The following COL22A1 variants were observed in gnomAD, a reference collection of about 807,000 sequenced individuals.
COL22A1 encodes the protein collagen type XXII alpha 1 chain.
COL22A1 carries 221 observed loss-of-function variants against 248.9 expected under a neutral mutation model. That is an observed-to-expected ratio of 0.89 (90% CI 0.80 to 0.99). The LOEUF (loss-of-function observed/expected upper bound fraction) is 0.99, where lower values mean the gene tolerates loss of function less well. COL22A1 is among the 50% of genes least tolerant of loss of function. The pLI is 0.00. For missense variants in COL22A1, 2,240 were observed against 2,179.0 expected (o/e 1.03, Z -0.56); for synonymous variants, 891 against 793.4 (o/e 1.12, Z -2.07).
intron 3 of COL22A1, among the ~76,000 whole-genome samples, chr8:138,858,703 G>A (rs1046696153): frequency 2.0e-5 from 3 of 152,310 alleles, no homozygotes; most frequent in African/African-American, 2.4e-5. Context: ...GCTCGACCCC[G>A]GGTGAGAGGG....
At chr8:138,872,347 G>A (rs1425181596) in intron 3 of COL22A1, among the ~76,000 whole-genome samples, 1 of 152,168 alleles carries the variant, frequency 6.6e-6, no homozygotes, top group Non-Finnish European at 1.5e-5. Context: ...AGGAGAGGCT[G>A]CTTCTTTGCT....
rs1440942908 is a variant in COL22A1 at position 138,712,252 on chromosome 8, G to A, written c.2517+3430C>T. Among the ~76,000 whole-genome samples, 7 of 152,312 alleles carry A rather than the reference G, an allele frequency of 4.6e-5. No homozygotes were observed. The East Asian group carries it at 1.4e-3, about 29-fold the overall frequency. ...GGACCATACTCCAGGCCAGCATTAT[G>A]GGTCCAAGAATGGTGCTCTTTCTAC... On this transcript the variant is annotated intron_variant, in intron 30 of 64. Coordinates refer to ENST00000303045, the MANE Select transcript of COL22A1 (RefSeq NM_152888.3).
Position 138,833,197 on chromosome 8 carries a change from T to C in COL22A1, c.734-47A>G, listed in dbSNP as rs376589975. The C allele has an allele frequency of 3.6e-5, 49 of 1,367,118 alleles. No homozygotes were observed. The African/African-American group carries it at 5.9e-4, about 16-fold the overall frequency. 84.7% of individuals were successfully genotyped at this position (1,367,118 alleles called of 1,614,324 possible). ...GAGTGAGTTTGGAGAAGGAAGAGTA[T>C]AAGAGACAAAGGAAAATCACATCCG... On this transcript the variant is annotated intron_variant, in intron 4 of 64. Transcript: ENST00000303045.
rs796229603 is a variant in COL22A1, at chr8:138,785,355, T to C, written c.1597-4375A>G. Among the ~76,000 whole-genome samples the C allele has an allele frequency of 1.4e-4, 21 of 152,236 alleles. 1 individual carries two copies. Among genetic ancestry groups the C allele is most frequent in the African/African-American group, 5.1e-4 (21 of 41,502 alleles). On this transcript the variant is annotated intron_variant, in intron 12 of 64. Coordinates refer to ENST00000303045, the MANE Select transcript of COL22A1 (RefSeq NM_152888.3). ...CTCTTGCACTAACCTGGGCAAATGA[T>C]GATGTCCATTTCCAGGGACACCAGT...
intron 42 of COL22A1, among the ~76,000 whole-genome samples, chr8:138,662,673 G>A (rs544037512): frequency 6.6e-5 from 10 of 152,196 alleles, no homozygotes; most frequent in African/African-American, 2.4e-4. Flanking sequence ...CTGTGCTACC[G>A]GGCTGCTCAG....
intron 5 of COL22A1, among the ~76,000 whole-genome samples, chr8:138,832,653 T>C (rs949468168): frequency 3.3e-5 from 5 of 152,148 alleles, no homozygotes; most frequent in Non-Finnish European, 7.3e-5. Context: ...CCAAAGCCAC[T>C]CCGAGATTCT....
At chr8:138,671,941 T>C (rs1397212044) in intron 41 of COL22A1, among the ~76,000 whole-genome samples, 1 of 152,196 alleles carries the variant, frequency 6.6e-6, no homozygotes, top group Non-Finnish European at 1.5e-5. Context: ...ACAAAACATG[T>C]GTTACTTGAC....
At chr8:138,617,638 A>G (rs751123736) in intron 53 of COL22A1, among the ~76,000 whole-genome samples, 4 of 152,192 alleles carry the variant, frequency 2.6e-5, no homozygotes, top group Non-Finnish European at 5.9e-5. Flanking sequence ...GCTAAAGCTC[A>G]AGGATAACAA....
Position 138,833,050 on chromosome 8 carries a change from C to T in COL22A1, c.834G>A (p.Val278=), listed in dbSNP as rs1359021153. 3 of 1,610,090 alleles carry T rather than the reference C, an allele frequency of 1.9e-6. No individual in the cohort carries two copies. ...SYVRMGSFPV[V]QSTEDVFPQG... ...AAGTGGCCACTCACTCAGTACTTTGCACCACAGGGAAGGATCCCATCCGTA... is the reference window on the plus strand; with the variant it reads ...AAGTGGCCACTCACTCAGTACTTTGTACCACAGGGAAGGATCCCATCCGTA... The change falls in exon 5 of 65, where the codon GTG becomes GTA. Residue 278 remains valine, a synonymous_variant. Coordinates refer to ENST00000303045, the MANE Select transcript of COL22A1 (RefSeq NM_152888.3).
At chr8:138,630,941 C>T (rs879859246) in intron 49 of COL22A1, among the ~76,000 whole-genome samples, 193 bp from the exon 50 acceptor site, 7 of 152,140 alleles carry the variant, frequency 4.6e-5, no homozygotes, top group Non-Finnish European at 7.4e-5. Flanking sequence ...AGATCTCTCA[C>T]GAATGGTTTA....
At position 138,751,480 on chromosome 8, in the gene COL22A1, G is replaced by A. The variant is rs1832592469; in HGVS notation, c.2063C>T (p.Pro688Leu). ...GPIGPEGRDG[P>L]PGLQGLRGKK... Reference sequence around the variant, plus strand: ...TACTCGGAGACCTTGCAAACCAGGAGGTCCATCCCTGCCTTCTGGGCCTAT... The same window carrying A: ...TACTCGGAGACCTTGCAAACCAGGAAGTCCATCCCTGCCTTCTGGGCCTAT... The change falls in exon 22 of 65, where the codon CCT (proline) becomes CTT (leucine). Residue 688 changes from proline (P) to leucine (L), a missense_variant. Coordinates refer to ENST00000303045, the MANE Select transcript of COL22A1 (RefSeq NM_152888.3). The A allele has an allele frequency of 6.2e-7, 1 of 1,612,488 alleles. No individual in the cohort carries two copies. Among genetic ancestry groups the A allele is most frequent in the Non-Finnish European group, 8.5e-7 (1 of 1,179,206 alleles).
intron 3 of COL22A1, among the ~76,000 whole-genome samples, chr8:138,855,915 C>T (rs1208481434): frequency 6.6e-6 from 1 of 152,178 alleles, no homozygotes; most frequent in Non-Finnish European, 1.5e-5. Context: ...CCTGGCCTTC[C>T]CTGCTGTGGA....
intron 1 of COL22A1, among the ~76,000 whole-genome samples, chr8:138,904,841 G>A (rs1387631966): frequency 6.6e-6 from 1 of 152,180 alleles, no homozygotes; most frequent in Non-Finnish European, 1.5e-5. Context: ...AGAATAATGA[G>A]AAGCCACATG....
At chr8:138,913,406 GAC>G (rs1815596592) in intron 1 of COL22A1, among the ~76,000 whole-genome samples, 2 of 152,256 alleles carry the variant, frequency 1.3e-5, no homozygotes, top group South Asian at 2.1e-4. Flanking sequence ...GTTAAGTCAA[GAC>G]ACAGACACAT....
At chr8:138,666,233 TGAAA>T (rs1824492312) in intron 41 of COL22A1, among the ~76,000 whole-genome samples, 1 of 152,188 alleles carries the variant, frequency 6.6e-6, no homozygotes, top group African/African-American at 2.4e-5. Flanking sequence ...CAGAAATGAC[TGAAA>T]GAGTCATACA....
intron 62 of COL22A1, among the ~76,000 whole-genome samples, chr8:138,595,761 T>C (rs1817490703): frequency 6.6e-6 from 1 of 152,178 alleles, no homozygotes; most frequent in South Asian, 2.1e-4. Context: ...ACTCTCGCAA[T>C]GGGAGGTGCA....
intron 14 of COL22A1, 31 bp from the exon 15 acceptor site, chr8:138,778,437 C>G: frequency 6.4e-7 from 1 of 1,556,290 alleles, no homozygotes; most frequent in Non-Finnish European, 8.7e-7. Flanking sequence ...AGTAAAGTTT[C>G]AGGGATGGAA....
chr8:138,809,438 T>C (rs10108522), intron 9 of COL22A1, among the ~76,000 whole-genome samples: 120,199 of 152,016 alleles, frequency 0.79, 47,687 homozygotes, highest in African/African-American at 0.82. Context: ...AATCATGCCA[T>C]CCTAGGCATG....
chr8:138,605,184 AC>A (rs1438133373), intron 58 of COL22A1, among the ~76,000 whole-genome samples: 4 of 152,066 alleles, frequency 2.6e-5, no homozygotes, highest in South Asian at 2.1e-4. Flanking sequence ...ATCTTAAACA[AC>A]CTCCCTACAA....
Sources: allele counts gnomAD v4.1 joint callset (sites outside exome capture counted in the v4.1 genomes callset), GRCh38; gene constraint gnomAD v4.1.1; transcripts MANE v1.5; gene names NCBI Gene and HGNC (gene_info 2026-07-23, HGNC 2026-07-21).